Variants in ZNF469 observed in about 807,000 individuals in gnomAD.
ZNF469 encodes the protein zinc finger protein 469.
A neutral mutation model predicts 1.0 loss-of-function variants in ZNF469; 1 was observed. The ratio of observed to expected loss-of-function variants is 1.00; its 90% CI spans 0.35 to 4.73. ZNF469 has a LOEUF of 4.73. Ranked by LOEUF, ZNF469 falls within the 30% of genes most tolerant of loss-of-function variation. The probability of loss-of-function intolerance (pLI) is 0.16; values close to 1 mark genes in which losing one functional copy is unlikely to be tolerated. For synonymous variants in ZNF469, 2,703 were observed against 2,363.4 expected, an observed-to-expected ratio of 1.14 and a Z score of -4.17; for missense variants, 6,100 against 5,356.3, an observed-to-expected ratio of 1.14 and a Z score of -4.33.
chr16:88,405,720 G>C (rs1199029147), intron 1 of ZNF469, among the ~76,000 whole-genome samples: 1 of 152,080 alleles, frequency 6.6e-6, no homozygotes, highest in African/African-American at 2.4e-5. Flanking sequence ...GGGTGTGCAG[G>C]CTCCCGGCAC....
intron 1 of ZNF469, among the ~76,000 whole-genome samples, chr16:88,422,550 G>T: frequency 6.7e-6 from 1 of 148,296 alleles, no homozygotes; most frequent in East Asian, 2.1e-4. Flanking sequence ...GGTGGATGGG[G>T]GGATGGGCGG....
the ZNF469 span, among the ~76,000 whole-genome samples, chr16:88,302,837 A>G: frequency 6.6e-6 from 1 of 152,290 alleles, no homozygotes; most frequent in Admixed American, 6.5e-5. Context: ...AATGTGCTGT[A>G]GGGGCCAGGG....
At chr16:88,119,396 C>T in the ZNF469 span, among the ~76,000 whole-genome samples, 2 of 152,198 alleles carry the variant, frequency 1.3e-5, no homozygotes, top group African/African-American at 2.4e-5. Context: ...CCATCTGTGC[C>T]GGGTGTTTGT....
chr16:88,123,779 GA>G, the ZNF469 span, among the ~76,000 whole-genome samples: 1 of 152,226 alleles, frequency 6.6e-6, no homozygotes, highest in East Asian at 1.9e-4. Flanking sequence ...TGCAATCTGT[GA>G]TGAAGTGTCT....
the ZNF469 span, among the ~76,000 whole-genome samples, chr16:88,325,125 C>T: frequency 6.0e-5 from 9 of 149,170 alleles, no homozygotes; most frequent in East Asian, 1.8e-3. Context: ...AAGTCCTCAC[C>T]TGCACACTCC....
the ZNF469 span, among the ~76,000 whole-genome samples, chr16:88,366,192 C>G: frequency 2.0e-5 from 3 of 150,532 alleles, no homozygotes; most frequent in Non-Finnish European, 4.4e-5. Context: ...TCACTATAAC[C>G]ATTTTCATCA....
the ZNF469 span, among the ~76,000 whole-genome samples, chr16:88,324,644 T>G: frequency 6.6e-6 from 1 of 152,206 alleles, no homozygotes; most frequent in Non-Finnish European, 1.5e-5. Context: ...CCAGGGTGAG[T>G]GCATAAGGGA....
At chr16:88,230,813 C>G in the ZNF469 span, among the ~76,000 whole-genome samples, 1 of 152,194 alleles carries the variant, frequency 6.6e-6, no homozygotes, top group African/African-American at 2.4e-5. Context: ...AGCGGCTGCT[C>G]CCATGGCCTC....
intron 1 of ZNF469, among the ~76,000 whole-genome samples, chr16:88,417,595 C>T (rs559037038): frequency 1.3e-5 from 2 of 152,354 alleles, no homozygotes; most frequent in South Asian, 4.1e-4. Flanking sequence ...TCGCTCCCCG[C>T]ACATGGTCCC....
chr16:88,143,767 G>A, the ZNF469 span, among the ~76,000 whole-genome samples: 2 of 152,216 alleles, frequency 1.3e-5, no homozygotes, highest in East Asian at 1.9e-4. Context: ...GAGCGGTCCC[G>A]GCTGGATGTG....
At chr16:88,317,527 G>C in the ZNF469 span, among the ~76,000 whole-genome samples, 2 of 152,166 alleles carry the variant, frequency 1.3e-5, no homozygotes, top group African/African-American at 2.4e-5. Context: ...TCCCTGGGAG[G>C]GGTCTCTCCT....
chr16:88,117,217 G>T, the ZNF469 span, among the ~76,000 whole-genome samples: 2 of 151,178 alleles, frequency 1.3e-5, no homozygotes, highest in African/African-American at 2.4e-5. Flanking sequence ...ACACGTGAGA[G>T]CTGGGGTCGT....
intron 1 of ZNF469, among the ~76,000 whole-genome samples, chr16:88,393,035 G>T (rs1232343197): frequency 1.3e-5 from 2 of 152,272 alleles, no homozygotes; most frequent in Non-Finnish European, 2.9e-5. Context: ...GATAAATCCA[G>T]GCGTGTGTGG....
chr16:88,178,660 A>G, the ZNF469 span: 1 of 152,226 alleles, frequency 6.6e-6, no homozygotes, highest in African/African-American at 2.4e-5. Flanking sequence ...GAAGAGCAAA[A>G]AACAATATTT....
At chr16:88,256,719 G>C in the ZNF469 span, among the ~76,000 whole-genome samples, 1 of 152,090 alleles carries the variant, frequency 6.6e-6, no homozygotes. Flanking sequence ...CCAGCATTTG[G>C]TGTTGTCAGA....
At chr16:88,399,258 T>G (rs1391874895) in intron 1 of ZNF469, among the ~76,000 whole-genome samples, 1 of 152,120 alleles carries the variant, frequency 6.6e-6, no homozygotes, top group Non-Finnish European at 1.5e-5. Context: ...GATGGCGAAG[T>G]CTCCAGACTC....
At chr16:88,115,779 G>C in the ZNF469 span, among the ~76,000 whole-genome samples, 1 of 151,966 alleles carries the variant, frequency 6.6e-6, no homozygotes, top group Non-Finnish European at 1.5e-5. Flanking sequence ...CGGAGGCTCT[G>C]GGTCCTTCTA....
chr16:88,378,407 G>C (rs2092514231), upstream of ZNF469, among the ~76,000 whole-genome samples: 1 of 152,212 alleles, frequency 6.6e-6, no homozygotes, highest in Non-Finnish European at 1.5e-5. Flanking sequence ...CACGTTCTTG[G>C]AGAGGCCCCG....
At chr16:88,289,297 G>A in the ZNF469 span, among the ~76,000 whole-genome samples, 1 of 149,304 alleles carries the variant, frequency 6.7e-6, no homozygotes, top group Admixed American at 6.6e-5. Context: ...GATGATGATG[G>A]TGATGAGGAT....
Sources: gnomAD v4.1 joint callset for allele counts (sites outside exome capture counted in the v4.1 genomes callset) on GRCh38, gnomAD v4.1.1 for gene constraint, MANE v1.5 for transcripts, NCBI Gene and HGNC (gene_info 2026-07-23, HGNC 2026-07-21) for gene names.